COL23A1: variants seen among roughly 807,000 people sequenced by gnomAD.
COL23A1 encodes collagen type XXIII alpha 1 chain, also known as collagen alpha-1(XXIII) chain.
Under a neutral mutation model 99.3 loss-of-function variants are expected in COL23A1, and 97 were observed. The observed-to-expected ratio is 0.98, with a 90% CI of 0.83 to 1.16. The LOEUF (loss-of-function observed/expected upper bound fraction) is 1.16. Ranked by LOEUF, COL23A1 falls within the 50% of genes most tolerant of loss-of-function variation. The probability of loss-of-function intolerance (pLI) is 0.00; values close to 1 mark genes in which losing one functional copy is unlikely to be tolerated. For synonymous variants in COL23A1, 320 were observed against 308.2 expected (o/e 1.04, Z -0.40); for missense variants, 762 against 757.4 (o/e 1.01, Z -0.07).
At chr5:178,465,886 G>A (rs1324265280) in intron 2 of COL23A1, among the ~76,000 whole-genome samples, 3 of 152,134 alleles carry the variant, frequency 2.0e-5, no homozygotes, top group Non-Finnish European at 4.4e-5. Flanking sequence ...TGGACTCGCC[G>A]CTTGCCTGGC....
chr5:178,353,400 G>A (rs1049021748), intron 2 of COL23A1, among the ~76,000 whole-genome samples: 1 of 152,122 alleles, frequency 6.6e-6, no homozygotes, highest in African/African-American at 2.4e-5. Flanking sequence ...ACCCCCCAAA[G>A]TAGTTAAAAG....
intron 1 of COL23A1, among the ~76,000 whole-genome samples, chr5:178,565,392 G>C (rs1314989838): frequency 6.6e-6 from 1 of 152,124 alleles, no homozygotes; most frequent in Admixed American, 6.5e-5. Context: ...CCAGAGGAAG[G>C]GCTTGTCGAG....
intron 2 of COL23A1, among the ~76,000 whole-genome samples, chr5:178,367,549 C>T (rs1762555520): frequency 6.6e-6 from 1 of 152,130 alleles, no homozygotes; most frequent in South Asian, 2.1e-4. Flanking sequence ...ATGGAGGAGA[C>T]CCTAGGTGAA....
intron 2 of COL23A1, among the ~76,000 whole-genome samples, chr5:178,370,503 C>T (rs979403970): frequency 4.6e-5 from 7 of 151,920 alleles, no homozygotes; most frequent in South Asian, 2.1e-4. Context: ...AGAAACTTGG[C>T]GGCAGGGGAT....
intron 2 of COL23A1, among the ~76,000 whole-genome samples, chr5:178,506,728 T>C (rs1472686697): frequency 1.3e-5 from 2 of 152,226 alleles, no homozygotes; most frequent in Admixed American, 6.5e-5. Flanking sequence ...AAGATATTAA[T>C]ACAATTACTT....
intron 2 of COL23A1, among the ~76,000 whole-genome samples, chr5:178,380,331 T>C (rs1278210127): frequency 6.6e-6 from 1 of 151,676 alleles, no homozygotes; most frequent in East Asian, 1.9e-4. Context: ...GGCCCAGCAG[T>C]GGGATGTGGA....
chr5:178,335,649 A>G (rs1436882498), intron 2 of COL23A1, among the ~76,000 whole-genome samples: 1 of 152,194 alleles, frequency 6.6e-6, no homozygotes, highest in African/African-American at 2.4e-5. Context: ...GTATCTCCCT[A>G]TGAAGAGGAG....
At chr5:178,346,960 GA>G (rs1178142006) in intron 2 of COL23A1, among the ~76,000 whole-genome samples, 1 of 152,200 alleles carries the variant, frequency 6.6e-6, no homozygotes, top group Non-Finnish European at 1.5e-5. Flanking sequence ...CAGAGGTTGT[GA>G]AACAGCAAAA....
chr5:178,249,144 T>C lies in COL23A1; in HGVS notation c.1122A>G (p.Ala374=). The change falls in exon 19 of 29, where the codon GCA becomes GCG. Residue 374 remains alanine, a synonymous_variant. Transcript: ENST00000390654. ...EPGPAGLKGE[A]GEMGLSGLPG... is the part of the protein sequence containing the mutation. ...GGAGGCCGGACAAGCCCATCTCGCC[T>C]GCTTCCCCTTTGAGTCCTGCTGGCC... 6.2e-7 allele frequency: 1 copy of C among 1,614,204 alleles called. No homozygotes were observed. Among genetic ancestry groups the C allele is most frequent in the Admixed American group, 1.7e-5 (1 of 60,026 alleles).
In COL23A1 at chr5:178,387,101, C is replaced by T. The variant is rs867847281; in HGVS notation, c.362-80182G>A. ...GCACCCCCACCTTATTTCTCTCCCA[C>T]GGCAGCTTCTCATCACCCCGTCTGG... On this transcript the variant is annotated intron_variant, in intron 2 of 28. Coordinates refer to ENST00000390654, the MANE Select transcript of COL23A1 (RefSeq NM_173465.4). The surrounding 1 kb of genome is among the most constrained non-coding windows in gnomAD (Gnocchi z 4.7). Among the ~76,000 whole-genome samples the T allele has an allele frequency of 6.6e-5, 10 of 152,106 alleles. No individual in the cohort carries two copies. Among genetic ancestry groups the T allele is most frequent in the African/African-American group, 1.9e-4 (8 of 41,424 alleles).
At chr5:178,528,332 G>A (rs571142671) in intron 2 of COL23A1, among the ~76,000 whole-genome samples, 1 of 152,112 alleles carries the variant, frequency 6.6e-6, no homozygotes, top group South Asian at 2.1e-4. Context: ...TGCTGTCTCC[G>A]CTGCCCCCTT....
chr5:178,498,985 G>C (rs1758382338), intron 2 of COL23A1, among the ~76,000 whole-genome samples: 1 of 152,066 alleles, frequency 6.6e-6, no homozygotes, highest in East Asian at 1.9e-4. Context: ...AGCTACTCAG[G>C]AGGATGAGGC....
chr5:178,380,995 C>T (rs1368240769), intron 2 of COL23A1, among the ~76,000 whole-genome samples: 1 of 152,212 alleles, frequency 6.6e-6, no homozygotes, highest in East Asian at 1.9e-4. Context: ...GATCCGTGGC[C>T]AGTGCTACCA....
intron 2 of COL23A1, among the ~76,000 whole-genome samples, chr5:178,543,979 T>G (rs1158085978): frequency 2.0e-5 from 3 of 152,086 alleles, no homozygotes; most frequent in Admixed American, 1.3e-4. Context: ...AAAAGCTCCC[T>G]GGGGTCCCTT....
intron 2 of COL23A1, among the ~76,000 whole-genome samples, chr5:178,509,173 C>T (rs1309023565): frequency 6.6e-6 from 1 of 151,720 alleles, no homozygotes; most frequent in East Asian, 1.9e-4. Flanking sequence ...ACCTCCCACC[C>T]CCGCCCACCC....
rs961935451 is a variant in COL23A1 at position 178,312,065 on chromosome 5, G to A, written c.362-5146C>T. ...GGTTCTTATGAGTCCCCAGGTGGGT[G>A]AAGCTGGAGACACAGTGACTGCACC... is the stretch of plus-strand genomic sequence containing the variant. On this transcript the variant is annotated intron_variant, in intron 2 of 28. Coordinates refer to ENST00000390654, the MANE Select transcript of COL23A1 (RefSeq NM_173465.4). Among the ~76,000 whole-genome samples the A allele has an allele frequency of 2.0e-5, 3 of 152,210 alleles. No individual in the cohort carries two copies. The East Asian group carries it at 5.8e-4, about 29-fold the overall frequency.
intron 1 of COL23A1, among the ~76,000 whole-genome samples, chr5:178,562,909 T>C (rs1360948598): frequency 6.6e-6 from 1 of 152,160 alleles, no homozygotes; most frequent in Non-Finnish European, 1.5e-5. Flanking sequence ...CACTGATTGG[T>C]GCATTTTACA....
chr5:178,554,891 G>A (rs368519866), intron 2 of COL23A1, among the ~76,000 whole-genome samples: 24 of 152,092 alleles, frequency 1.6e-4, no homozygotes, highest in African/African-American at 3.9e-4. Flanking sequence ...TTTAAAGCAC[G>A]AAGTTCCAAG....
intron 2 of COL23A1, among the ~76,000 whole-genome samples, chr5:178,472,574 C>G (rs1235628449): frequency 9.0e-5 from 10 of 110,930 alleles, no homozygotes; most frequent in Middle Eastern, 4.4e-3. Flanking sequence ...TTAGCAACGG[C>G]TGCAGCAGCA....
Sources: allele counts gnomAD v4.1 joint callset (sites outside exome capture counted in the v4.1 genomes callset), GRCh38; gene constraint gnomAD v4.1.1; non-coding constraint Gnocchi (gnomAD v3.1); transcripts MANE v1.5; gene names NCBI Gene and HGNC (gene_info 2026-07-23, HGNC 2026-07-21).